The following NEB variants were observed in gnomAD, a reference collection of about 807,000 sequenced individuals.
The protein encoded by NEB is nebulin.
A neutral mutation model predicts 952.2 loss-of-function variants in NEB; 512 were observed. The ratio of observed to expected loss-of-function variants is 0.54; its 90% CI spans 0.50 to 0.58. The LOEUF (loss-of-function observed/expected upper bound fraction) is 0.58, where lower values mean the gene tolerates loss of function less well. Among genes scored for constraint, NEB ranks in the 20% least tolerant of loss-of-function variants. The probability of loss-of-function intolerance (pLI) is 0.00; values close to 1 mark genes in which losing one functional copy is unlikely to be tolerated. For synonymous variants in NEB, 2,900 were observed against 3,149.8 expected (o/e 0.92, Z 2.66); for missense variants, 8,428 against 9,231.1 (o/e 0.91, Z 3.56).
chr2:151,640,406 G>A lies in NEB; in HGVS notation c.8634C>T (p.Pro2878=), dbSNP rs776571715. 17 of 1,613,776 alleles carry A rather than the reference G, an allele frequency of 1.1e-5. No homozygotes were observed. The East Asian group carries it at 1.6e-4, about 15-fold the overall frequency. The change falls in exon 61 of 182, where the codon CCC becomes CCT. Residue 2878 remains proline, a synonymous_variant. Transcript: ENST00000397345. ...GAGCATGGATGACGTCGCTCTGGTC[G>A]GGCAGGCATGTCCACTGGTGCAGGT... The part of the protein sequence containing the change: ...KNYLHQWTCL[P]DQSDVIHARQ...
In NEB at chr2:151,688,454, C is replaced by T. The variant is rs2099519819; in HGVS notation, c.2311-58G>A. 3 of 1,319,458 alleles carry T rather than the reference C, an allele frequency of 2.3e-6. No homozygotes were observed. In the Admixed American group the frequency reaches 5.5e-5, roughly 24 times the overall value. The allele number at this position is 1,319,458 out of a possible 1,614,324, so 81.7% of individuals were successfully genotyped here. On this transcript the variant is annotated intron_variant, in intron 24 of 181. Coordinates refer to ENST00000397345, the MANE Select transcript of NEB (RefSeq NM_001164508.2). Reference sequence around the variant, plus strand: ...GGAACTTCTTTGAATTTATTTAGGGCAGCATATATAGCTAAGGCATTAGTG... The same window carrying T: ...GGAACTTCTTTGAATTTATTTAGGGTAGCATATATAGCTAAGGCATTAGTG...
intron 16 of NEB, 121 bp downstream of exon 16, chr2:151,697,027 C>A: frequency 1.4e-6 from 1 of 725,502 alleles, no homozygotes; most frequent in South Asian, 2.0e-5. Flanking sequence ...ACAAAATAGA[C>A]TTCATTTCTT....
intron 114 of NEB, among the ~76,000 whole-genome samples, chr2:151,566,944 T>A (rs542456282): frequency 5.9e-5 from 9 of 152,314 alleles, no homozygotes; most frequent in Admixed American, 2.6e-4. Context: ...CAGATTTTTT[T>A]TAAAAAAATT....
intron 107 of NEB, among the ~76,000 whole-genome samples, chr2:151,572,813 G>T (rs1392875303): frequency 6.7e-6 from 1 of 148,964 alleles, no homozygotes; most frequent in Non-Finnish European, 1.5e-5. Context: ...GCCTCCCAAA[G>T]TGCTGGGATT....
intron 64 of NEB, among the ~76,000 whole-genome samples, chr2:151,635,887 A>G (rs1310428994): frequency 6.6e-6 from 1 of 152,206 alleles, no homozygotes; most frequent in Admixed American, 6.5e-5. Flanking sequence ...ACCTAAGTTT[A>G]TGAGTTATAT....
intron 126 of NEB, 105 bp downstream of exon 126, chr2:151,553,723 G>A: frequency 8.8e-7 from 1 of 1,137,814 alleles, no homozygotes; most frequent in South Asian, 1.6e-5. Flanking sequence ...ATAGGGAAGA[G>A]ATAGTGGAAA....
At chr2:151,676,499 T>A (rs1296039124) in intron 34 of NEB, among the ~76,000 whole-genome samples, 1 of 152,164 alleles carries the variant, frequency 6.6e-6, no homozygotes, top group Non-Finnish European at 1.5e-5. Context: ...ATATTCAACA[T>A]CTCTTCTTAC....
chr2:151,559,346 G>C (rs930443740), intron 124 of NEB, among the ~76,000 whole-genome samples: 18 of 152,270 alleles, frequency 1.2e-4, no homozygotes, highest in Admixed American at 8.5e-4. Flanking sequence ...GTTGGTGGGA[G>C]TGTAAACTAG....
rs778993104 is a variant in NEB at position 151,682,666 on chromosome 2, T to C, written c.2939A>G (p.Asn980Ser). Residue 980 changes from asparagine to serine, a missense_variant, in exon 29 of 182, where the codon AAT (asparagine) becomes AGT (serine). Physicochemically the swap from Asn to Ser is conservative, Grantham distance 46 (BLOSUM62 1). This residue lies in a region of NEB where 2,851 missense variants were observed against 2,791.5 expected (regional missense o/e 1.02). Coordinates refer to ENST00000397345, the MANE Select transcript of NEB (RefSeq NM_001164508.2). ...TGACACACCCAGTGGCTTTACCTCA[T>C]TGAGGATGTCTGAAGCTCGCTTTGC... ...EKAKRASDIL[N>S]EKKYRQHPDT... 13 of 1,610,840 alleles carry C rather than the reference T, an allele frequency of 8.1e-6. No homozygotes were observed. In the East Asian group the frequency reaches 2.9e-4, roughly 36 times the overall value.
chr2:151,691,753 A>G (rs2099552973), intron 23 of NEB, 111 bp downstream of exon 23: 11 of 864,552 alleles, frequency 1.3e-5, no homozygotes, highest in Non-Finnish European at 2.1e-5. Context: ...GTAAAATGTA[A>G]TTATCTCCTT....
chr2:151,639,154 A>G, intron 63 of NEB, 126 bp downstream of exon 63: 1 of 683,400 alleles, frequency 1.5e-6, no homozygotes, highest in East Asian at 2.9e-5. Flanking sequence ...GAGAAATGCA[A>G]GAGTTGTTAT....
Position 151,665,337 on chromosome 2 carries a change from T to TC in NEB, c.5233dup (p.Asp1745GlyfsTer7). 1 of 1,613,578 alleles carries TC rather than the reference T, an allele frequency of 6.2e-7. No homozygotes were observed. The highest frequency in any genetic ancestry group is 8.5e-7 in the Non-Finnish European group (1 of 1,179,714). ...GGCTGGCAGGTGAGTCCTTACCTTG[T>TC]CCATGTTCAGTTTGTTACTCTTGTT... On this transcript the variant is annotated frameshift_variant, in exon 42 of 182. Coordinates refer to ENST00000397345, the MANE Select transcript of NEB (RefSeq NM_001164508.2). LOFTEE classifies it high-confidence loss of function.
intron 137 of NEB, 38 bp downstream of exon 137, chr2:151,540,659 T>G (rs1363597095): frequency 2.6e-6 from 4 of 1,563,108 alleles, no homozygotes; most frequent in Non-Finnish European, 3.5e-6. Context: ...AGTATTTTTC[T>G]TTTTACCCAG....
intron 60 of NEB, 72 bp downstream of exon 60, chr2:151,642,502 A>C: frequency 7.8e-7 from 1 of 1,279,762 alleles, no homozygotes; most frequent in African/African-American, 1.5e-5. Flanking sequence ...TACTTGTGCC[A>C]CTATAAATCC....
rs1399274068 is a variant in NEB, at chr2:151,499,465, C to G, written c.24022-75G>C. ...CCCTTTCATCTACCTTGTGGGGAACCTGGTATAAAACTACAGACGTCAGAC... is the reference window on the plus strand; with the variant it reads ...CCCTTTCATCTACCTTGTGGGGAACGTGGTATAAAACTACAGACGTCAGAC... On this transcript the variant is annotated intron_variant, in intron 168 of 181. Coordinates refer to ENST00000397345, the MANE Select transcript of NEB (RefSeq NM_001164508.2). 3 of 787,010 alleles carry G rather than the reference C, an allele frequency of 3.8e-6. No homozygotes were observed. In the South Asian group the frequency reaches 4.4e-5, roughly 12 times the overall value. 48.8% of individuals were successfully genotyped at this position (787,010 alleles called of 1,614,324 possible).
chr2:151,622,370 T>G (rs2098436039), intron 71 of NEB, among the ~76,000 whole-genome samples: 1 of 152,318 alleles, frequency 6.6e-6, no homozygotes, highest in Middle Eastern at 3.4e-3. Context: ...TCTTTTTCTT[T>G]ATTTAAAAAA....
In NEB at chr2:151,650,369, T is replaced by C. The variant is rs748447261; in HGVS notation, c.7238A>G (p.Lys2413Arg). The change falls in exon 54 of 182, where the codon AAA (lysine) becomes AGA (arginine). Residue 2413 changes from lysine to arginine, a missense_variant. Transcript: ENST00000397345. ...GCCTCTCAGCCACTCAAGGTCAGAT[T>C]TATATAGATTCTGTGAAAAGACAGA... Reference protein sequence around the residue: ...VYELQSENLYKSDLEWLRGIG... With the variant: ...VYELQSENLYRSDLEWLRGIG... The C allele has an allele frequency of 6.2e-7, 1 of 1,613,646 alleles. No homozygotes were observed. The highest frequency in any genetic ancestry group is 8.5e-7 in the Non-Finnish European group (1 of 1,179,680).
intron 181 of NEB, 78 bp downstream of exon 181, chr2:151,489,893 A>G (rs1299841952): frequency 7.2e-6 from 8 of 1,110,744 alleles, no homozygotes; most frequent in Non-Finnish European, 1.1e-5. Flanking sequence ...AAAAACCGTA[A>G]TACCTAATAC....
chr2:151,713,321 A>G (rs1184564745), intron 10 of NEB, among the ~76,000 whole-genome samples: 1 of 152,204 alleles, frequency 6.6e-6, no homozygotes, highest in African/African-American at 2.4e-5. Context: ...CATTCATAGA[A>G]AAGTTATCCC....
Sources: allele counts gnomAD v4.1 joint callset (sites outside exome capture counted in the v4.1 genomes callset), GRCh38; gene constraint gnomAD v4.1.1; regional missense constraint gnomAD v4.1.1; transcripts MANE v1.5; gene names NCBI Gene and HGNC (gene_info 2026-07-23, HGNC 2026-07-21).